The following PLAUR variants were observed in gnomAD, a reference collection of about 807,000 sequenced individuals.
The protein encoded by PLAUR is plasminogen activator, urokinase receptor.
A neutral mutation model predicts 33.4 loss-of-function variants in PLAUR; 22 were observed. The ratio of observed to expected loss-of-function variants is 0.66; its 90% CI spans 0.47 to 0.94. The LOEUF (loss-of-function observed/expected upper bound fraction) is 0.94. Ranked by LOEUF, PLAUR falls within the 40% of genes least tolerant of loss-of-function variation. The pLI, the probability that PLAUR is intolerant of heterozygous loss-of-function variation, is 0.00. For synonymous variants in PLAUR, 148 were observed against 167.3 expected (o/e 0.88, Z 0.89); for missense variants, 408 against 434.7 (o/e 0.94, Z 0.55).
At chr19:43,655,297 AAAG>A in intron 5 of PLAUR, 139 bp downstream of exon 5, 5 of 726,598 alleles carry the variant, frequency 6.9e-6, no homozygotes, top group Admixed American at 3.0e-5. Flanking sequence ...AAAAAAAAAA[AAAG>A]GCCTGATACT....
downstream of PLAUR, among the ~76,000 whole-genome samples, chr19:43,647,900 C>A (rs1049630923): frequency 6.7e-6 from 1 of 148,918 alleles, no homozygotes; most frequent in Admixed American, 6.7e-5. Context: ...AGAAAACCAA[C>A]CTGAGGGGGG....
In PLAUR at chr19:43,667,435, T is replaced by C; in HGVS notation, c.166+146A>G. On this transcript the variant is annotated intron_variant, in intron 2 of 6. Transcript: ENST00000340093. Reference sequence around the variant, plus strand: ...ACCCGGGTATTGTCAGATTTTTAAATGCTTGCCAATCTGGTGGGTGTGAAA... The same window carrying C: ...ACCCGGGTATTGTCAGATTTTTAAACGCTTGCCAATCTGGTGGGTGTGAAA... 6 of 635,950 alleles carry C rather than the reference T, an allele frequency of 9.4e-6. No homozygotes were observed. In the Admixed American group the frequency reaches 1.2e-4, roughly 13 times the overall value. The allele number at this position is 635,950 out of a possible 1,614,324, so 39.4% of individuals were successfully genotyped here.
At chr19:43,661,581 G>C (rs1163262606) in intron 3 of PLAUR, 1 of 152,144 alleles carries the variant, frequency 6.6e-6, no homozygotes, top group East Asian at 1.9e-4. Flanking sequence ...ATTTTTAGTA[G>C]AGACGGGGTT....
chr19:43,655,570 C>T lies in PLAUR; in HGVS notation c.476G>A (p.Arg159His), dbSNP rs140011964. 3,384 of 1,613,782 alleles carry T rather than the reference C, an allele frequency of 2.1e-3. 4 individuals are homozygous for T. The highest frequency in any genetic ancestry group is 2.7e-3 in the Non-Finnish European group (3,199 of 1,179,830). ...ACGGAGGTGGCGGTCATCCTTTGGA[C>T]GCCCTATGGGGGCCAGGGGACAGAG... ...THWIQEGEEG[R>H]PKDDRHLRGC... Residue 159 changes from arginine (R) to histidine (H), a missense_variant, in exon 5 of 7, where the codon CGT becomes CAT. By Grantham distance (29) the Arg-to-His change is conservative (BLOSUM62 0). Coordinates refer to ENST00000340093, the MANE Select transcript of PLAUR (RefSeq NM_002659.4).
At chr19:43,656,846 C>T (rs1348136539) in intron 3 of PLAUR, 1 of 435,472 alleles carries the variant, frequency 2.3e-6, no homozygotes, top group African/African-American at 2.0e-5. Flanking sequence ...CCTCCTTCAA[C>T]TCCAGCTACC....
chr19:43,665,234 A>C, intron 3 of PLAUR, 82 bp downstream of exon 3: 1 of 1,436,864 alleles, frequency 7.0e-7, no homozygotes, highest in Non-Finnish European at 9.8e-7. Context: ...GCTGATGTAA[A>C]GTTAAGAATA....
intron 3 of PLAUR, among the ~76,000 whole-genome samples, chr19:43,664,550 T>C (rs980654937): frequency 1.3e-5 from 2 of 152,246 alleles, no homozygotes; most frequent in Non-Finnish European, 2.9e-5. Context: ...GCTCAAGCGG[T>C]TCTCCCGCCT....
In PLAUR at chr19:43,665,290, G is replaced by T. The variant is rs752572976; in HGVS notation, c.310+26C>A. 5.0e-6 allele frequency: 8 copies of T among 1,611,776 alleles called. No homozygotes were observed. In the South Asian group the frequency reaches 7.7e-5, roughly 15 times the overall value. On this transcript the variant is annotated intron_variant, in intron 3 of 6. Coordinates refer to ENST00000340093, the MANE Select transcript of PLAUR (RefSeq NM_002659.4). ...TTGAGCTGGGGATGGCTTGGGGTTG[G>T]GGATGGCAAGGGCTGCCCTACTCAC...
At chr19:43,655,993 G>A (rs1416893612) in intron 4 of PLAUR, among the ~76,000 whole-genome samples, 2 of 152,128 alleles carry the variant, frequency 1.3e-5, no homozygotes, top group East Asian at 1.9e-4. Flanking sequence ...GGTGGCTCAC[G>A]CTTGTAATCC....
chr19:43,662,324 C>G (rs1179571066), intron 3 of PLAUR, among the ~76,000 whole-genome samples: 1 of 151,896 alleles, frequency 6.6e-6, no homozygotes, highest in Non-Finnish European at 1.5e-5. Flanking sequence ...GGTGAAACCC[C>G]ATCTCTACTA....
chr19:43,662,778 G>A (rs1488591200), intron 3 of PLAUR, among the ~76,000 whole-genome samples: 4 of 150,836 alleles, frequency 2.7e-5, no homozygotes, highest in East Asian at 2.0e-4. Context: ...ACAGTGGTGC[G>A]ATCATAGCTT....
chr19:43,665,250 G>T, intron 3 of PLAUR, 66 bp downstream of exon 3: 1 of 1,513,578 alleles, frequency 6.6e-7, no homozygotes, highest in Non-Finnish European at 9.2e-7. Flanking sequence ...GAATAGGATT[G>T]GGATGATGAT....
chr19:43,664,775 C>T (rs986316387), intron 3 of PLAUR, among the ~76,000 whole-genome samples: 2 of 152,174 alleles, frequency 1.3e-5, no homozygotes, highest in East Asian at 1.9e-4. Flanking sequence ...GTATCTATTG[C>T]TTGGACCATC....
At chr19:43,647,409 A>G (rs1279705370), downstream of PLAUR, among the ~76,000 whole-genome samples, 3 of 152,146 alleles carry the variant, frequency 2.0e-5, no homozygotes, top group South Asian at 6.2e-4. Context: ...AAATGTGGGG[A>G]TGTCTCCTTA....
At chr19:43,663,386 C>G (rs1314878070) in intron 3 of PLAUR, among the ~76,000 whole-genome samples, 1 of 150,460 alleles carries the variant, frequency 6.6e-6, no homozygotes, top group African/African-American at 2.5e-5. Flanking sequence ...AGGCAGGGCA[C>G]AAGGCTGTCT....
At chr19:43,668,860 C>G (rs919074856) in intron 1 of PLAUR, among the ~76,000 whole-genome samples, 41 of 151,474 alleles carry the variant, frequency 2.7e-4, no homozygotes, top group African/African-American at 9.0e-4. Context: ...AGCTCTTCCT[C>G]GGTCTGTAAC....
At chr19:43,652,124 G>C in intron 6 of PLAUR, 101 bp downstream of exon 6, 11 of 1,554,440 alleles carry the variant, frequency 7.1e-6, no homozygotes, top group Non-Finnish European at 9.6e-6. Flanking sequence ...TTTCCACAGG[G>C]AGACCCACCA....
intron 3 of PLAUR, among the ~76,000 whole-genome samples, chr19:43,662,447 G>A (rs1967042437): frequency 6.6e-6 from 1 of 152,098 alleles, no homozygotes; most frequent in African/African-American, 2.4e-5. Flanking sequence ...GCAGTGAGCT[G>A]AGATCGCACC....
rs399145 is a variant in PLAUR, at chr19:43,665,370, T to C, written c.256A>G (p.Thr86Ala). The change falls in exon 3 of 7, where the codon ACC becomes GCC. Residue 86 changes from threonine to alanine, a missense_variant. Physicochemically the swap from Thr to Ala is moderately conservative, Grantham distance 58. Coordinates refer to ENST00000340093, the MANE Select transcript of PLAUR (RefSeq NM_002659.4). ...CCACACACAACCTCGGTAAGGCTGG[T>C]GATCTTCAAGCCAGTCCGATAGCTC... ...TLSYRTGLKI[T>A]SLTEVVCGLD... 5.6e-3 allele frequency: 8,993 copies of C among 1,613,834 alleles called. 413 individuals carry two copies. The African/African-American group carries it at 0.1, about 18-fold the overall frequency.
Sources: allele counts gnomAD v4.1 joint callset (sites outside exome capture counted in the v4.1 genomes callset), GRCh38; gene constraint gnomAD v4.1.1; transcripts MANE v1.5; gene names NCBI Gene and HGNC (gene_info 2026-07-23, HGNC 2026-07-21).